The following PMS2 variants were observed in gnomAD, a reference collection of about 807,000 sequenced individuals.
PMS2 encodes the protein PMS1 homolog 2, mismatch repair system component.
Under a neutral mutation model 90.0 loss-of-function variants are expected in PMS2, and 69 were observed. The ratio of observed to expected loss-of-function variants is 0.77; its 90% CI spans 0.63 to 0.94. The LOEUF is 0.94. Ranked by LOEUF, PMS2 falls within the 40% of genes least tolerant of loss-of-function variation. The pLI, the probability that PMS2 is intolerant of heterozygous loss-of-function variation, is 0.00. For missense variants in PMS2, 966 were observed against 1,040.2 expected, an observed-to-expected ratio of 0.93 and a Z score of 0.98; for synonymous variants, 332 against 375.1, an observed-to-expected ratio of 0.89 and a Z score of 1.33.
rs1784819145 is a variant in PMS2 at position 5,999,236 on chromosome 7, T to C, written c.577A>G (p.Ile193Val). ...KMVQVLHAYC[I>V]ISAGIRVSCT... The stretch of plus-strand genomic sequence containing the variant: ...CTTACACGGATGCCTGCTGAAATGA[T>C]ACAGTATGCATGTAAGACCTGGACC... Residue 193 changes from isoleucine to valine, a missense_variant, in exon 6 of 15, where the codon ATC (isoleucine) becomes GTC (valine). This residue lies in a region of PMS2 where 871 missense variants were observed against 802.4 expected (regional missense o/e 1.09). Coordinates refer to ENST00000265849, the MANE Select transcript of PMS2 (RefSeq NM_000535.7). 6.2e-7 allele frequency: 1 copy of C among 1,613,986 alleles called. No homozygotes were observed. The highest frequency in any genetic ancestry group is 8.5e-7 in the Non-Finnish European group (1 of 1,180,020).
intron 2 of PMS2, chr7:6,004,443 C>T (rs1785484973): frequency 1.0e-5 from 2 of 196,510 alleles, no homozygotes; most frequent in Admixed American, 1.1e-4. Context: ...GGACCGGGTG[C>T]AGTGGTTCAT....
intron 7 of PMS2, among the ~76,000 whole-genome samples, chr7:5,996,458 G>T (rs1784398015): frequency 6.6e-6 from 1 of 151,828 alleles, no homozygotes; most frequent in Non-Finnish European, 1.5e-5. Context: ...GGAAGGCTGA[G>T]GCAGGAGTAT....
rs1781463896 is a variant in PMS2 at position 5,973,255 on chromosome 7, T to C, written c.*144A>G. ...AATGCTCCATCTGGTTTGAAAAGGT[T>C]CTCAAGATCACTTTTAAATGGGTGT... On this transcript the variant is annotated 3_prime_UTR_variant, in exon 15 of 15. Coordinates refer to ENST00000265849, the MANE Select transcript of PMS2 (RefSeq NM_000535.7). 1.4e-6 allele frequency: 1 copy of C among 710,524 alleles called. No homozygotes were observed. The highest frequency in any genetic ancestry group is 1.9e-5 in the African/African-American group (1 of 52,028). The allele number at this position is 710,524 out of a possible 1,614,324, so 44.0% of individuals were successfully genotyped here.
intron 1 of PMS2, among the ~76,000 whole-genome samples, chr7:6,008,507 T>C (rs969134506): frequency 2.7e-4 from 41 of 152,124 alleles, no homozygotes; most frequent in African/African-American, 9.9e-4. Flanking sequence ...TCCAGCACTT[T>C]GAGGGGCCAA....
chr7:5,994,291 G>A (rs1317014843), intron 8 of PMS2, among the ~76,000 whole-genome samples: 1 of 151,842 alleles, frequency 6.6e-6, no homozygotes, highest in East Asian at 1.9e-4. Flanking sequence ...TGAGGCAGGA[G>A]AATCGCTTGA....
chr7:6,002,538 C>A lies in PMS2; in HGVS notation c.452G>T (p.Arg151Leu). The A allele has an allele frequency of 6.2e-7, 1 of 1,611,512 alleles. No individual in the cohort carries two copies. ...GKIIQKTPYP[R>L]PRGTTVSVQQ... ...CACGCTGACTGTGGTCCCTCTGGGGCGGGGGTAGGGGGTTTTCTGGATAAT... is the reference window on the plus strand; with the variant it reads ...CACGCTGACTGTGGTCCCTCTGGGGAGGGGGTAGGGGGTTTTCTGGATAAT... The change falls in exon 5 of 15, where the codon CGC becomes CTC. Residue 151 changes from arginine to leucine, a missense_variant. By Grantham distance (102) the Arg-to-Leu change is moderately radical. Coordinates refer to ENST00000265849, the MANE Select transcript of PMS2 (RefSeq NM_000535.7).
intron 11 of PMS2, among the ~76,000 whole-genome samples, chr7:5,985,251 A>G (rs1025523315): frequency 4.9e-4 from 74 of 149,944 alleles, no homozygotes; most frequent in African/African-American, 1.5e-3. Flanking sequence ...GCGTACAGCA[A>G]TGTACTTAGC....
At chr7:5,993,201 T>C (rs538139396) in intron 8 of PMS2, among the ~76,000 whole-genome samples, 70 of 151,846 alleles carry the variant, frequency 4.6e-4, no homozygotes, top group African/African-American at 1.5e-3. Context: ...TGAAACCCCA[T>C]CTCTACTCAA....
rs761736567 is a variant in PMS2 at position 5,973,288 on chromosome 7, AT to A, written c.*110del. ...TCACTTTTAAATGGGTGTGATGTGTATTTTTTTTAAGTAGCAGGTTCATTTT... is the reference window on the plus strand; with the variant it reads ...TCACTTTTAAATGGGTGTGATGTGTATTTTTTTAAGTAGCAGGTTCATTTT... On this transcript the variant is annotated 3_prime_UTR_variant, in exon 15 of 15. Coordinates refer to ENST00000265849, the MANE Select transcript of PMS2 (RefSeq NM_000535.7). 7.0e-5 allele frequency: 92 copies of A among 1,318,840 alleles called. 4 individuals carry two copies. Among genetic ancestry groups the A allele is most frequent in the South Asian group, 8.8e-5 (7 of 79,196 alleles). 81.7% of individuals were successfully genotyped at this position (1,318,840 alleles called of 1,614,324 possible). A position where few individuals can be genotyped will look rare whatever the true frequency, so the allele number is the denominator to read the frequency against.
Position 5,994,296 on chromosome 7 carries a change from G to A in PMS2, c.903+1238C>T, listed in dbSNP as rs143890089. Reference sequence around the variant, plus strand: ...CTTGGGAGGCTGAGGCAGGAGAATCGCTTGAACTCGGGAGGTGGAGGTTGC... The same window carrying A: ...CTTGGGAGGCTGAGGCAGGAGAATCACTTGAACTCGGGAGGTGGAGGTTGC... On this transcript the variant is annotated intron_variant, in intron 8 of 14. Transcript: ENST00000265849. Among the ~76,000 whole-genome samples, 1,068 of 151,698 alleles carry A rather than the reference G, an allele frequency of 7.0e-3. 20 individuals carry two copies. The highest frequency in any genetic ancestry group is 0.025 in the African/African-American group (1,032 of 41,356).
chr7:5,973,558 A>G lies in PMS2; in HGVS notation c.2446-16T>C. 1 of 494,026 alleles carries G rather than the reference A, an allele frequency of 2.0e-6. No homozygotes were observed. 30.6% of individuals were successfully genotyped at this position (494,026 alleles called of 1,614,324 possible). On this transcript the variant is annotated splice_polypyrimidine_tract_variant and intron_variant, in intron 14 of 14. Coordinates refer to ENST00000265849, the MANE Select transcript of PMS2 (RefSeq NM_000535.7). ...CAATCATCACCTGAGTGTGAGACAC[A>G]ATGGTTCAACGTTTTAGTAGTTTTT...
intron 7 of PMS2, 74 bp from the exon 8 acceptor site, chr7:5,995,707 C>A: frequency 9.7e-7 from 1 of 1,036,264 alleles, no homozygotes; most frequent in African/African-American, 1.6e-5. Flanking sequence ...ATGGCACATT[C>A]TTAAAGTGAA....
chr7:5,996,590 A>ATATATATATAT (rs1554301107), intron 7 of PMS2, among the ~76,000 whole-genome samples: 1 of 110,198 alleles, frequency 9.1e-6, no homozygotes, highest in African/African-American at 3.8e-5. Flanking sequence ...AAAAAAAAAA[A>ATATATATATAT]ATATATATAT....
intron 2 of PMS2, 60 bp from the exon 3 acceptor site, chr7:6,004,118 T>C: frequency 1.1e-6 from 1 of 891,842 alleles, no homozygotes; most frequent in Non-Finnish European, 1.9e-6. Context: ...TCAGTTTTTA[T>C]ATTGACATTA....
Position 5,988,838 on chromosome 7 carries a change from G to A in PMS2, c.1144+962C>T, listed in dbSNP as rs187659270. On this transcript the variant is annotated intron_variant, in intron 10 of 14. Coordinates refer to ENST00000265849, the MANE Select transcript of PMS2 (RefSeq NM_000535.7). ...AATTAAAAACAGATTAAACTATACC[G>A]TTTTGGGTTTTTTTTGTTTGTTTGT... 3.7e-4 allele frequency among the ~76,000 whole-genome samples: 56 copies of A among 151,480 alleles called. 1 individual carries two copies. The highest frequency in any genetic ancestry group is 1.3e-3 in the African/African-American group (54 of 41,518).
chr7:5,999,410 C>T (rs539748620), intron 5 of PMS2, 135 bp from the exon 6 acceptor site: 1 of 819,246 alleles, frequency 1.2e-6, no homozygotes, highest in East Asian at 2.6e-5. Context: ...ACAGAATGAT[C>T]TGTAAAGAGG....
At position 5,991,994 on chromosome 7, in the gene PMS2, G is replaced by C. The variant is rs1554299391; in HGVS notation, c.967C>G (p.Leu323Val). The change falls in exon 9 of 15, where the codon CTT becomes GTT. Residue 323 changes from leucine (L) to valine (V), a missense_variant. Around this residue, in one of 2 missense-constraint regions of PMS2, gnomAD observed 871 missense variants for 802.4 expected, o/e 1.09. Transcript: ENST00000265849. Reference protein sequence around the residue: ...YNRHQYPFVVLNISVDSECVD... With the variant: ...YNRHQYPFVVVNISVDSECVD... ...TTACCTGAATCAACAGAAATGTTAAGAACAACAAATGGATACTGGTGTCGA... is the reference window on the plus strand; with the variant it reads ...TTACCTGAATCAACAGAAATGTTAACAACAACAAATGGATACTGGTGTCGA... 2.5e-6 allele frequency: 4 copies of C among 1,590,224 alleles called. No individual in the cohort carries two copies. The highest frequency in any genetic ancestry group is 3.5e-6 in the Non-Finnish European group (4 of 1,158,338).
intron 11 of PMS2, among the ~76,000 whole-genome samples, chr7:5,986,205 C>T (rs1366785024): frequency 5.5e-5 from 8 of 145,850 alleles, no homozygotes; most frequent in African/African-American, 1.7e-4. Context: ...TCTGGCCAGG[C>T]GCAGATGCCG....
intron 2 of PMS2, among the ~76,000 whole-genome samples, chr7:6,005,622 A>T (rs1412091496): frequency 6.6e-6 from 1 of 152,166 alleles, no homozygotes; most frequent in Non-Finnish European, 1.5e-5. Context: ...TAGGCGTGAG[A>T]CACCACGCCC....
Sources: gnomAD v4.1 joint callset for allele counts (sites outside exome capture counted in the v4.1 genomes callset) on GRCh38, gnomAD v4.1.1 for gene constraint, gnomAD v4.1.1 regional missense constraint, MANE v1.5 for transcripts, NCBI Gene and HGNC (gene_info 2026-07-23, HGNC 2026-07-21) for gene names.